Variants in DNAH9 observed in about 807,000 individuals in gnomAD.
DNAH9 encodes the protein dynein axonemal heavy chain 9, also known as DNAH9 variant protein.
Under a neutral mutation model 471.6 loss-of-function variants are expected in DNAH9, and 345 were observed. That is an observed-to-expected ratio of 0.73 (90% CI 0.67 to 0.80). The LOEUF (loss-of-function observed/expected upper bound fraction) is 0.80, where lower values mean the gene tolerates loss of function less well. Among genes scored for constraint, DNAH9 ranks in the 30% least tolerant of loss-of-function variants. The probability of loss-of-function intolerance (pLI) is 0.00; values close to 1 mark genes in which losing one functional copy is unlikely to be tolerated. For missense variants in DNAH9, 5,407 were observed against 5,609.2 expected (o/e 0.96, Z 1.15); for synonymous variants, 2,093 against 2,123.6 (o/e 0.99, Z 0.40).
chr17:11,960,666 G>A (rs2322138), intron 67 of DNAH9, among the ~76,000 whole-genome samples: 1 of 151,772 alleles, frequency 6.6e-6, no homozygotes, highest in Non-Finnish European at 1.5e-5. Flanking sequence ...AGCTGAGGCA[G>A]AAGAATCGCT....
In DNAH9 at chr17:11,843,039, G is replaced by A. The variant is rs186420171; in HGVS notation, c.9507+8141G>A. 2.4e-4 allele frequency among the ~76,000 whole-genome samples: 36 copies of A among 152,194 alleles called. 1 individual carries two copies. Among genetic ancestry groups the A allele is most frequent in the African/African-American group, 7.9e-4 (33 of 41,536 alleles). On this transcript the variant is annotated intron_variant, in intron 49 of 68. Transcript: ENST00000262442. ...GAATAAAATAATATTTGGCTATTTC[G>A]CTAGCAGATGAAAACCAATCCCAAT...
Position 11,669,600 on chromosome 17 carries a change from C to T in DNAH9, c.3159C>T (p.Pro1053=), listed in dbSNP as rs145547143. The part of the protein sequence containing the change: ...HVEDGIPENP[P]LLSQFKVQID... ...AAGATGGCATCCCAGAGAACCCTCC[C>T]CTCCTTTCTCAGTTTAAAGTGCAAA... is the stretch of plus-strand genomic sequence containing the variant. Residue 1053 remains proline (P), a synonymous_variant, in exon 17 of 69, where the codon CCC becomes CCT. Coordinates refer to ENST00000262442, the MANE Select transcript of DNAH9 (RefSeq NM_001372.4). 282 of 1,614,132 alleles carry T rather than the reference C, an allele frequency of 1.7e-4. 1 individual carries two copies. The African/African-American group carries it at 2.9e-3, about 17-fold the overall frequency.
chr17:11,852,939 T>G (rs888466088), intron 49 of DNAH9, among the ~76,000 whole-genome samples: 1 of 147,498 alleles, frequency 6.8e-6, no homozygotes, highest in Non-Finnish European at 1.5e-5. Flanking sequence ...AATATATTTC[T>G]CATATTTAAT....
chr17:11,762,770 G>T (rs4792173), intron 35 of DNAH9, among the ~76,000 whole-genome samples: 8,654 of 87,824 alleles, frequency 0.099, 348 homozygotes, highest in Admixed American at 0.14. Flanking sequence ...TTTTTTTTTT[G>T]TTTTTTTTTT....
intron 6 of DNAH9, among the ~76,000 whole-genome samples, chr17:11,625,288 A>C (rs2072949315): frequency 6.6e-6 from 1 of 152,174 alleles, no homozygotes; most frequent in Non-Finnish European, 1.5e-5. Context: ...CTTTATGCGA[A>C]GTGATTAGCA....
intron 27 of DNAH9, among the ~76,000 whole-genome samples, chr17:11,726,830 C>A (rs974587895): frequency 6.6e-6 from 1 of 152,042 alleles, no homozygotes; most frequent in Non-Finnish European, 1.5e-5. Context: ...GGGTTGATTG[C>A]AAAGTCAGGA....
intron 59 of DNAH9, among the ~76,000 whole-genome samples, chr17:11,898,698 G>GT (rs1342430447): frequency 1.3e-5 from 2 of 152,316 alleles, no homozygotes; most frequent in East Asian, 3.9e-4. Flanking sequence ...TTCAGGAACT[G>GT]TGAGTTGTGC....
intron 45 of DNAH9, among the ~76,000 whole-genome samples, chr17:11,812,818 T>G (rs1210516777): frequency 6.6e-6 from 1 of 152,208 alleles, no homozygotes; most frequent in Non-Finnish European, 1.5e-5. Context: ...CATCACCTTC[T>G]GCAATAGTGT....
In DNAH9 at chr17:11,822,788, T is replaced by A; in HGVS notation, c.9013-13T>A. 2 of 1,613,710 alleles carry A rather than the reference T, an allele frequency of 1.2e-6. No homozygotes were observed. Among genetic ancestry groups the A allele is most frequent in the Non-Finnish European group, 1.7e-6 (2 of 1,179,644 alleles). On this transcript the variant is annotated splice_polypyrimidine_tract_variant and intron_variant, in intron 47 of 68. Coordinates refer to ENST00000262442, the MANE Select transcript of DNAH9 (RefSeq NM_001372.4). ...ACAAGATAATCTTTTCATTTCTTGC[T>A]CTTTGGTTTTAGCCCACAGTAAAGC...
At chr17:11,923,412 C>T (rs556757343) in intron 61 of DNAH9, among the ~76,000 whole-genome samples, 3 of 150,370 alleles carry the variant, frequency 2.0e-5, no homozygotes, top group African/African-American at 4.9e-5. Flanking sequence ...CCTGGGTTCA[C>T]GCCATTCTCC....
chr17:11,937,270 C>T lies in DNAH9; in HGVS notation c.12490-82C>T. 2 of 1,505,154 alleles carry T rather than the reference C, an allele frequency of 1.3e-6. No individual in the cohort carries two copies. The highest frequency in any genetic ancestry group is 1.8e-6 in the Non-Finnish European group (2 of 1,115,812). 93.2% of individuals were successfully genotyped at this position (1,505,154 alleles called of 1,614,324 possible). A position where few individuals can be genotyped will look rare whatever the true frequency, so the allele number is the denominator to read the frequency against. On this transcript the variant is annotated intron_variant, in intron 65 of 68. Coordinates refer to ENST00000262442, the MANE Select transcript of DNAH9 (RefSeq NM_001372.4). This position sits in a 1 kb window ranked among gnomAD's most constrained non-coding sequence, Gnocchi z 4.1. ...TGGAGGAGGGATACTAGCCCATGGA[C>T]TCCCTGCAGAGGACAAGCCGGTGTG...
At chr17:11,893,178 C>CAAAAGA (rs1973108595) in intron 58 of DNAH9, among the ~76,000 whole-genome samples, 1 of 95,174 alleles carries the variant, frequency 1.1e-5, no homozygotes, top group Non-Finnish European at 2.0e-5. Context: ...TTGGCCTTTG[C>CAAAAGA]AAAAAAAAAA....
At chr17:11,681,005 TTCC>T in intron 19 of DNAH9, 116 bp downstream of exon 19, 2 of 982,752 alleles carry the variant, frequency 2.0e-6, no homozygotes, top group Non-Finnish European at 3.0e-6. Flanking sequence ...GTTAATAATC[TTCC>T]TTCCCATTTA....
At chr17:11,674,748 AAATC>A (rs1449962314) in intron 17 of DNAH9, among the ~76,000 whole-genome samples, 1 of 143,340 alleles carries the variant, frequency 7.0e-6, no homozygotes, top group Non-Finnish European at 1.6e-5. Context: ...CTTGTTAAAT[AAATC>A]CATTTTTTGC....
chr17:11,739,077 G>A (rs2075395732), intron 29 of DNAH9, 40 bp downstream of exon 29: 1 of 1,504,308 alleles, frequency 6.6e-7, no homozygotes, highest in East Asian at 2.3e-5. Context: ...CCCCAAAAGA[G>A]AAGTTTCTTT....
intron 7 of DNAH9, chr17:11,630,015 T>C (rs1336092868): frequency 6.5e-6 from 1 of 154,986 alleles, no homozygotes; most frequent in African/African-American, 2.4e-5. Context: ...CAGAGTGGAA[T>C]GGTGGCTGCC....
chr17:11,852,773 C>A (rs374751707), intron 49 of DNAH9, among the ~76,000 whole-genome samples: 2 of 132,208 alleles, frequency 1.5e-5, no homozygotes, highest in East Asian at 4.4e-4. Flanking sequence ...TGGCAACCGG[C>A]AGTATATATA....
intron 52 of DNAH9, among the ~76,000 whole-genome samples, chr17:11,874,244 CAA>C (rs770328921): frequency 2.8e-5 from 3 of 106,432 alleles, no homozygotes; most frequent in Admixed American, 1.1e-4. Flanking sequence ...GATTCCATCT[CAA>C]AAAAAAAAAA....
chr17:11,642,876 C>T (rs1207781522), intron 10 of DNAH9, among the ~76,000 whole-genome samples: 1 of 151,500 alleles, frequency 6.6e-6, no homozygotes, highest in Admixed American at 6.6e-5. Flanking sequence ...GCTCTTTCAT[C>T]ACAAACGTGG....
Sources: gnomAD v4.1 joint callset for allele counts (sites outside exome capture counted in the v4.1 genomes callset) on GRCh38, gnomAD v4.1.1 for gene constraint, Gnocchi (gnomAD v3.1) non-coding constraint, MANE v1.5 for transcripts, NCBI Gene and HGNC (gene_info 2026-07-23, HGNC 2026-07-21) for gene names.